The following PRKCE variants were observed in gnomAD, a reference collection of about 807,000 sequenced individuals.
PRKCE encodes the protein protein kinase C epsilon, also known as protein kinase C epsilon type.
In PRKCE, 16 loss-of-function variants were observed where a neutral mutation model predicts 85.4. The observed-to-expected ratio is 0.19, with a 90% CI of 0.13 to 0.28. PRKCE has a LOEUF of 0.28. Ranked by LOEUF, PRKCE falls within the 10% of genes least tolerant of loss-of-function variation. The pLI is 1.00. For missense variants in PRKCE, 573 were observed against 975.2 expected, an observed-to-expected ratio of 0.59 and a Z score of 5.49; for synonymous variants, 388 against 371.5, an observed-to-expected ratio of 1.04 and a Z score of -0.51.
Position 45,816,264 on chromosome 2 carries a change from C to T in PRKCE, c.349-26736C>T, listed in dbSNP as rs1175320442. Among the ~76,000 whole-genome samples the T allele has an allele frequency of 2.6e-5, 4 of 152,020 alleles. No individual in the cohort carries two copies. The South Asian group carries it at 6.2e-4, about 24-fold the overall frequency. The stretch of plus-strand genomic sequence containing the variant: ...TACTTACCTCTTTGCTGGGCTCAGC[C>T]CTGCTATGAATATAGAAGGAGAATT... On this transcript the variant is annotated intron_variant, in intron 1 of 14. Coordinates refer to ENST00000306156, the MANE Select transcript of PRKCE (RefSeq NM_005400.3).
chr2:46,084,275 A>C (rs1204780347), intron 10 of PRKCE, among the ~76,000 whole-genome samples: 1 of 152,206 alleles, frequency 6.6e-6, no homozygotes, highest in African/African-American at 2.4e-5. Flanking sequence ...AATTAGTAAC[A>C]ATTCTTAACT....
chr2:45,919,612 G>C (rs115966542), intron 2 of PRKCE, among the ~76,000 whole-genome samples: 1 of 152,216 alleles, frequency 6.6e-6, no homozygotes, highest in East Asian at 1.9e-4. Context: ...GATCAGGGGC[G>C]GGGAAGGCCA....
At chr2:46,034,427 A>C (rs1444161142) in intron 10 of PRKCE, among the ~76,000 whole-genome samples, 1 of 152,196 alleles carries the variant, frequency 6.6e-6, no homozygotes, top group African/African-American at 2.4e-5. Flanking sequence ...CCGTGTTTGC[A>C]TATTTGGTAT....
Position 46,155,668 on chromosome 2 carries a change from A to G in PRKCE, c.1921-3938A>G, listed in dbSNP as rs149331091. The stretch of plus-strand genomic sequence containing the variant: ...TCACTCTCAAATTCCTTGGTTCAGT[A>G]AATGGCACCCTGTCTTCCTTTCTAA... On this transcript the variant is annotated intron_variant, in intron 13 of 14. Transcript: ENST00000306156. This position sits in a 1 kb window ranked among gnomAD's most constrained non-coding sequence, Gnocchi z 4.7. Among the ~76,000 whole-genome samples, 132 of 152,274 alleles carry G rather than the reference A, an allele frequency of 8.7e-4. No individual in the cohort carries two copies. The Middle Eastern group carries it at 0.01, about 12-fold the overall frequency.
intron 8 of PRKCE, among the ~76,000 whole-genome samples, chr2:46,006,184 A>G (rs1463437727): frequency 6.6e-6 from 1 of 152,252 alleles, no homozygotes; most frequent in African/African-American, 2.4e-5. Flanking sequence ...GAAATAAGAC[A>G]TAGTTTCTTT....
intron 11 of PRKCE, among the ~76,000 whole-genome samples, chr2:46,135,574 G>A (rs924665443): frequency 3.3e-5 from 5 of 152,092 alleles, no homozygotes; most frequent in South Asian, 2.1e-4. Context: ...TTTGGAAGAA[G>A]AAAAGTAGTT....
chr2:45,884,971 A>G (rs1196019403), intron 2 of PRKCE, among the ~76,000 whole-genome samples: 1 of 58,630 alleles, frequency 1.7e-5, no homozygotes, highest in Admixed American at 2.1e-4. Context: ...ATATATATAT[A>G]TATATATATA....
chr2:45,778,989 CA>C (rs775310989), intron 1 of PRKCE, among the ~76,000 whole-genome samples: 59 of 152,318 alleles, frequency 3.9e-4, no homozygotes, highest in Middle Eastern at 3.4e-3. Context: ...TTTGTGTACG[CA>C]GAACGATTGA....
At chr2:45,858,116 C>T (rs965361698) in intron 2 of PRKCE, among the ~76,000 whole-genome samples, 11 of 152,172 alleles carry the variant, frequency 7.2e-5, no homozygotes, top group African/African-American at 2.7e-4. Context: ...GTGGCTGGAG[C>T]TTAGAAGACA....
chr2:46,010,909 C>A, intron 10 of PRKCE: 1 of 1,465,838 alleles, frequency 6.8e-7, no homozygotes, highest in Non-Finnish European at 9.0e-7. Context: ...TAAAGGCCAC[C>A]TTAATCTCTT....
intron 10 of PRKCE, among the ~76,000 whole-genome samples, chr2:46,040,235 A>C (rs1467151379): frequency 6.6e-6 from 1 of 152,154 alleles, no homozygotes; most frequent in Non-Finnish European, 1.5e-5. Context: ...GATGAGTAGG[A>C]TTTTAGCTGG....
At chr2:45,964,585 G>C (rs2595201) in intron 2 of PRKCE, among the ~76,000 whole-genome samples, 120,280 of 152,202 alleles carry the variant, frequency 0.79, 48,040 homozygotes, top group East Asian at 0.97. Context: ...CACCATGACT[G>C]TAATATGTAA....
chr2:45,737,114 G>C (rs968867307), intron 1 of PRKCE, among the ~76,000 whole-genome samples: 1 of 152,186 alleles, frequency 6.6e-6, no homozygotes, highest in Non-Finnish European at 1.5e-5. Context: ...GGGGTTGGGG[G>C]CTGGACGACT....
intron 2 of PRKCE, among the ~76,000 whole-genome samples, chr2:45,906,902 G>C (rs1697019975): frequency 6.6e-6 from 1 of 152,228 alleles, no homozygotes; most frequent in South Asian, 2.1e-4. Context: ...GCTTGGCTGG[G>C]ACAGTGTTTC....
At chr2:46,101,412 CA>C (rs1671211806) in intron 11 of PRKCE, among the ~76,000 whole-genome samples, 1 of 152,040 alleles carries the variant, frequency 6.6e-6, no homozygotes, top group African/African-American at 2.4e-5. Flanking sequence ...AAGAGTTGGC[CA>C]GAGAAAGAGG....
chr2:45,925,095 C>T (rs1261144579), intron 2 of PRKCE, among the ~76,000 whole-genome samples: 1 of 152,098 alleles, frequency 6.6e-6, no homozygotes, highest in Non-Finnish European at 1.5e-5. Context: ...TTGCTAAGGT[C>T]TTAAAGTAGA....
At chr2:46,147,777 T>C (rs1440665163) in intron 12 of PRKCE, among the ~76,000 whole-genome samples, 6 of 152,204 alleles carry the variant, frequency 3.9e-5, no homozygotes, top group Non-Finnish European at 8.8e-5. Flanking sequence ...ATCATCATTG[T>C]TGGGTTGTGT....
chr2:45,905,597 G>T lies in PRKCE; in HGVS notation c.412+62534G>T, dbSNP rs1047948759. ...CAAAGCAGGGCTTTCACCGGGCTCT[G>T]TGTATCCTGGCCCTGCAAGTCCTTT... On this transcript the variant is annotated intron_variant, in intron 2 of 14. Coordinates refer to ENST00000306156, the MANE Select transcript of PRKCE (RefSeq NM_005400.3). The surrounding 1 kb of genome is among the most constrained non-coding windows in gnomAD (Gnocchi z 4.4). 6.6e-6 allele frequency among the ~76,000 whole-genome samples: 1 copy of T among 152,204 alleles called. No individual in the cohort carries two copies. The highest frequency in any genetic ancestry group is 2.4e-5 in the African/African-American group (1 of 41,458).
chr2:46,041,301 T>A lies in PRKCE; in HGVS notation c.1437+30784T>A, dbSNP rs1285756779. 6.6e-6 allele frequency among the ~76,000 whole-genome samples: 1 copy of A among 152,264 alleles called. No individual in the cohort carries two copies. The highest frequency in any genetic ancestry group is 2.4e-5 in the African/African-American group (1 of 41,472). On this transcript the variant is annotated intron_variant, in intron 10 of 14. Transcript: ENST00000306156. This position sits in a 1 kb window ranked among gnomAD's most constrained non-coding sequence, Gnocchi z 5.5. Reference sequence around the variant, plus strand: ...TAAAACAAAACAAAATCCCTTTTCATGTAATGATTGGCTCATTGGTTTTTC... The same window carrying A: ...TAAAACAAAACAAAATCCCTTTTCAAGTAATGATTGGCTCATTGGTTTTTC...
Sources: gnomAD v4.1 joint callset for allele counts (sites outside exome capture counted in the v4.1 genomes callset) on GRCh38, gnomAD v4.1.1 for gene constraint, Gnocchi (gnomAD v3.1) non-coding constraint, MANE v1.5 for transcripts, NCBI Gene and HGNC (gene_info 2026-07-23, HGNC 2026-07-21) for gene names.